The following FRS2 variants were observed in gnomAD, a reference collection of about 807,000 sequenced individuals.
FRS2 encodes the protein FGFR signalling adaptor.
FRS2 carries 8 observed loss-of-function variants against 43.9 expected under a neutral mutation model. That is an observed-to-expected ratio of 0.18 (90% CI 0.11 to 0.33). FRS2 has a LOEUF of 0.33. FRS2 is among the 10% of genes least tolerant of loss of function. The pLI is 1.00. For synonymous variants in FRS2, 219 were observed against 220.3 expected, an observed-to-expected ratio of 0.99 and a Z score of 0.05; for missense variants, 534 against 627.6, an observed-to-expected ratio of 0.85 and a Z score of 1.59.
chr12:69,498,173 TA>T (rs1177387818), intron 1 of FRS2, among the ~76,000 whole-genome samples: 1 of 152,186 alleles, frequency 6.6e-6, no homozygotes, highest in Non-Finnish European at 1.5e-5. Flanking sequence ...AAAGAAGACA[TA>T]AGTTAGCCCT....
chr12:69,507,201 C>T (rs1874017839), intron 1 of FRS2, among the ~76,000 whole-genome samples: 1 of 152,172 alleles, frequency 6.6e-6, no homozygotes, highest in African/African-American at 2.4e-5. Flanking sequence ...ATACTTCTTA[C>T]CCCCTCTCCT....
At chr12:69,491,478 G>A (rs997823725) in intron 1 of FRS2, 2 of 128,344 alleles carry the variant, frequency 1.6e-5, no homozygotes, top group East Asian at 2.2e-4. Flanking sequence ...CATTAAGTTT[G>A]TTTCCTATCT....
chr12:69,534,628 G>A (rs998579135), intron 3 of FRS2, among the ~76,000 whole-genome samples: 3 of 152,168 alleles, frequency 2.0e-5, no homozygotes, highest in African/African-American at 7.2e-5. Flanking sequence ...GCAAGTTCTC[G>A]ATGTGTGAGC....
At chr12:69,564,379 A>G (rs1254669035) in intron 4 of FRS2, among the ~76,000 whole-genome samples, 1 of 152,034 alleles carries the variant, frequency 6.6e-6, no homozygotes, top group African/African-American at 2.4e-5. Context: ...AAAATGTGAC[A>G]TGTGTTCTAA....
intron 1 of FRS2, among the ~76,000 whole-genome samples, chr12:69,471,560 T>C (rs990869261): frequency 2.0e-5 from 3 of 152,260 alleles, no homozygotes; most frequent in Non-Finnish European, 4.4e-5. Context: ...TTCCATGAAG[T>C]GTTTACTTCG....
chr12:69,484,076 AT>A (rs1871596132), intron 1 of FRS2, among the ~76,000 whole-genome samples: 1 of 150,920 alleles, frequency 6.6e-6, no homozygotes, highest in Non-Finnish European at 1.5e-5. Context: ...CTTTTAATTA[AT>A]TGGAAAAGCT....
chr12:69,482,869 A>G lies in FRS2; in HGVS notation c.-261+12339A>G, dbSNP rs1451851606. On this transcript the variant is annotated intron_variant, in intron 1 of 8. Transcript: ENST00000549921. ...TTAAAACCTGACTTAAGTAAATTAC[A>G]TTCAATCTAGACTGCCATTTGCCTT... Among the ~76,000 whole-genome samples the G allele has an allele frequency of 4.6e-5, 7 of 152,332 alleles. No homozygotes were observed. The East Asian group carries it at 9.6e-4, about 21-fold the overall frequency.
intron 3 of FRS2, among the ~76,000 whole-genome samples, chr12:69,533,758 G>GT (rs761091191): frequency 2.0e-5 from 3 of 152,074 alleles, no homozygotes; most frequent in Non-Finnish European, 4.4e-5. Flanking sequence ...TTGATCTTGT[G>GT]TTTTTCAGAA....
intron 3 of FRS2, among the ~76,000 whole-genome samples, chr12:69,550,403 T>C (rs1014559675): frequency 1.3e-5 from 2 of 152,164 alleles, no homozygotes; most frequent in Admixed American, 6.5e-5. Flanking sequence ...GGAGTGTTGG[T>C]AGGAAATATT....
intron 1 of FRS2, among the ~76,000 whole-genome samples, chr12:69,518,711 C>G (rs867890265): frequency 1.6e-4 from 21 of 135,278 alleles, no homozygotes; most frequent in African/African-American, 5.1e-4. Context: ...GAAACCCTGT[C>G]TTAAAAAAAA....
At chr12:69,509,822 T>C (rs763542344) in intron 1 of FRS2, among the ~76,000 whole-genome samples, 2 of 152,192 alleles carry the variant, frequency 1.3e-5, no homozygotes, top group African/African-American at 2.4e-5. Context: ...AAAACTCCTA[T>C]AACTTTTTAA....
rs73341730 is a variant in FRS2, at chr12:69,511,688, G to A, written c.-260-19177G>A. 6.7e-3 allele frequency among the ~76,000 whole-genome samples: 1,026 copies of A among 152,196 alleles called. 6 individuals are homozygous for A. The highest frequency in any genetic ancestry group is 0.024 in the African/African-American group (984 of 41,534). On this transcript the variant is annotated intron_variant, in intron 1 of 8. Coordinates refer to ENST00000549921, the MANE Select transcript of FRS2 (RefSeq NM_001278356.2). ...AAGGAATGGTAAACTGCTCATATCC[G>A]TGTTAGGGCCCCCATTTCTTACTAT...
intron 3 of FRS2, among the ~76,000 whole-genome samples, chr12:69,556,465 T>C (rs894416260): frequency 6.6e-6 from 1 of 152,116 alleles, no homozygotes; most frequent in Non-Finnish European, 1.5e-5. Flanking sequence ...CCTGAGTAGC[T>C]GGGACTACAG....
chr12:69,516,161 C>G (rs1874990333), intron 1 of FRS2, among the ~76,000 whole-genome samples: 1 of 151,484 alleles, frequency 6.6e-6, no homozygotes, highest in South Asian at 2.1e-4. Flanking sequence ...GCCTTTAAGA[C>G]TAAATGGGCA....
intron 4 of FRS2, among the ~76,000 whole-genome samples, chr12:69,565,354 A>G (rs1880202275): frequency 6.6e-6 from 1 of 152,212 alleles, no homozygotes; most frequent in Non-Finnish European, 1.5e-5. Context: ...CTAGAATGTT[A>G]TCGTACACTA....
intron 1 of FRS2, among the ~76,000 whole-genome samples, chr12:69,503,444 T>C (rs1249887511): frequency 1.3e-5 from 2 of 152,204 alleles, no homozygotes; most frequent in Non-Finnish European, 2.9e-5. Flanking sequence ...CTAGAGATTT[T>C]ACAGGGTATA....
rs529714083 is a variant in FRS2 at position 69,497,026 on chromosome 12, A to G, written c.-261+26496A>G. On this transcript the variant is annotated intron_variant, in intron 1 of 8. Coordinates refer to ENST00000549921, the MANE Select transcript of FRS2 (RefSeq NM_001278356.2). ...GATGATATTAAATAAAACTGAAGAT[A>G]GAATGTTCTAGAGTCAATTCAACTT... Among the ~76,000 whole-genome samples the G allele has an allele frequency of 7.2e-5, 11 of 152,364 alleles. No homozygotes were observed. In the South Asian group the frequency reaches 2.1e-3, roughly 29 times the overall value.
chr12:69,571,248 A>C, intron 6 of FRS2, 28 bp from the exon 7 acceptor site: 2 of 1,522,818 alleles, frequency 1.3e-6, no homozygotes, highest in Middle Eastern at 1.7e-4. Context: ...TATGTTAACT[A>C]TTTTTCCCTT....
intron 3 of FRS2, among the ~76,000 whole-genome samples, chr12:69,556,325 T>C (rs765861990): frequency 6.6e-6 from 1 of 150,620 alleles, no homozygotes; most frequent in African/African-American, 2.4e-5. Flanking sequence ...TTTAATTTAC[T>C]TTTCTTTCTT....
Sources: allele counts gnomAD v4.1 joint callset (sites outside exome capture counted in the v4.1 genomes callset), GRCh38; gene constraint gnomAD v4.1.1; transcripts MANE v1.5; gene names NCBI Gene and HGNC (gene_info 2026-07-23, HGNC 2026-07-21).